The following SPATA6L variants were observed in gnomAD, a reference collection of about 807,000 sequenced individuals.
The protein encoded by SPATA6L is spermatogenesis associated 6-like protein.
SPATA6L carries 68 observed loss-of-function variants against 49.2 expected under a neutral mutation model. The ratio of observed to expected loss-of-function variants is 1.38; its 90% CI spans 1.14 to 1.69. SPATA6L has a LOEUF of 1.69. Among genes scored for constraint, SPATA6L ranks in the 40% most tolerant of loss-of-function variants. The probability of loss-of-function intolerance (pLI) is 0.00; values close to 1 mark genes in which losing one functional copy is unlikely to be tolerated. For synonymous variants in SPATA6L, 198 were observed against 165.7 expected (o/e 1.19, Z -1.50); for missense variants, 668 against 464.3 (o/e 1.44, Z -4.03).
chr9:4,636,409 T>C (rs952949908), intron 3 of SPATA6L, among the ~76,000 whole-genome samples: 4 of 152,204 alleles, frequency 2.6e-5, no homozygotes, highest in African/African-American at 9.6e-5. Context: ...ATAAAAGGGA[T>C]ACTACAAAAT....
chr9:4,642,038 G>A (rs1834148234), intron 3 of SPATA6L, among the ~76,000 whole-genome samples: 1 of 152,204 alleles, frequency 6.6e-6, no homozygotes, highest in Non-Finnish European at 1.5e-5. Flanking sequence ...AAAGTGCTGG[G>A]ATTACAGGCG....
In SPATA6L at chr9:4,635,409, A is replaced by C; in HGVS notation, c.227-10T>G. 6.4e-7 allele frequency: 1 copy of C among 1,572,126 alleles called. No individual in the cohort carries two copies. The highest frequency in any genetic ancestry group is 1.2e-5 in the South Asian group (1 of 83,784). On this transcript the variant is annotated splice_polypyrimidine_tract_variant and intron_variant, in intron 3 of 11. Transcript: ENST00000682582. ...GCCAACTCATCCCACACTAGAAAGAAAATAGAAAAAGCATAAATATCTGTA... is the reference window on the plus strand; with the variant it reads ...GCCAACTCATCCCACACTAGAAAGACAATAGAAAAAGCATAAATATCTGTA...
chr9:4,660,416 C>T (rs1431138259), intron 2 of SPATA6L, among the ~76,000 whole-genome samples: 1 of 152,202 alleles, frequency 6.6e-6, no homozygotes, highest in Non-Finnish European at 1.5e-5. Context: ...ACACAGCCAA[C>T]AGACACATGA....
intron 7 of SPATA6L, among the ~76,000 whole-genome samples, chr9:4,619,155 C>CTTTTTT (rs57028759): frequency 1.7e-5 from 2 of 118,154 alleles, no homozygotes; most frequent in Non-Finnish European, 1.7e-5. Context: ...CAGGTTTTCT[C>CTTTTTT]TTTTTTTTTT....
chr9:4,660,165 C>A (rs1029605082), intron 2 of SPATA6L, among the ~76,000 whole-genome samples: 23 of 152,082 alleles, frequency 1.5e-4, no homozygotes, highest in African/African-American at 5.6e-4. Context: ...GCAACAAAAG[C>A]CAAAATTGAC....
intron 5 of SPATA6L, 38 bp from the exon 6 acceptor site, chr9:4,625,604 GAAAGA>G (rs1226659324): frequency 1.4e-6 from 2 of 1,382,530 alleles, no homozygotes; most frequent in East Asian, 2.6e-5. Context: ...TTAAAATAAA[GAAAGA>G]AAAGAAGAAA....
At chr9:4,617,556 T>C (rs999338132) in intron 9 of SPATA6L, 6 of 174,018 alleles carry the variant, frequency 3.4e-5, no homozygotes, top group South Asian at 2.0e-4. Context: ...TATGTTAACA[T>C]TTGTCTTTGA....
intron 9 of SPATA6L, among the ~76,000 whole-genome samples, chr9:4,613,236 A>AAAAGAAAG (rs560242149): frequency 2.2e-4 from 33 of 151,630 alleles, no homozygotes; most frequent in African/African-American, 8.0e-4. Flanking sequence ...TCAAAAAAAA[A>AAAAGAAAG]AAAGAAAGAA....
At chr9:4,664,399 G>C (rs1041468444) in intron 1 of SPATA6L, 1 of 167,032 alleles carries the variant, frequency 6.0e-6, no homozygotes, top group Non-Finnish European at 1.5e-5. Flanking sequence ...TTAGGTAACA[G>C]TATTTAACTT....
chr9:4,645,501 T>G (rs1835175503), intron 3 of SPATA6L, among the ~76,000 whole-genome samples: 1 of 152,098 alleles, frequency 6.6e-6, no homozygotes, highest in African/African-American at 2.4e-5. Flanking sequence ...ATAGTGAGGG[T>G]GCTGAGCATG....
chr9:4,631,087 G>A (rs932629244), intron 4 of SPATA6L, among the ~76,000 whole-genome samples: 2 of 152,162 alleles, frequency 1.3e-5, no homozygotes, highest in Non-Finnish European at 2.9e-5. Context: ...ACACACTTTT[G>A]TTCACCTTAT....
chr9:4,625,201 A>G (rs940186234), intron 6 of SPATA6L, 126 bp downstream of exon 6: 1 of 1,421,428 alleles, frequency 7.0e-7, no homozygotes, highest in Non-Finnish European at 9.2e-7. Flanking sequence ...CACAATTATT[A>G]TTCAATTTGA....
rs552923230 is a variant in SPATA6L at position 4,645,485 on chromosome 9, A to T, written c.227-10086T>A. ...TGCTTAGTAGCCAGGTGACACAGGG[A>T]ATCACATAGTGAGGGTGCTGAGCAT... is the stretch of plus-strand genomic sequence containing the variant. On this transcript the variant is annotated intron_variant, in intron 3 of 11. Coordinates refer to ENST00000682582, the MANE Select transcript of SPATA6L (RefSeq NM_001353486.2). Among the ~76,000 whole-genome samples, 28 of 152,222 alleles carry T rather than the reference A, an allele frequency of 1.8e-4. No homozygotes were observed. The South Asian group carries it at 4.6e-3, about 25-fold the overall frequency.
intron 4 of SPATA6L, among the ~76,000 whole-genome samples, chr9:4,631,220 C>T (rs1228774693): frequency 1.3e-5 from 2 of 152,096 alleles, no homozygotes; most frequent in Non-Finnish European, 2.9e-5. Flanking sequence ...TATATCTCAT[C>T]CAGTCTCCTT....
intron 2 of SPATA6L, among the ~76,000 whole-genome samples, chr9:4,657,592 T>C (rs1041865335): frequency 2.0e-5 from 3 of 152,054 alleles, no homozygotes; most frequent in Middle Eastern, 3.2e-3. Context: ...TTAAATTTAT[T>C]TGAGCAAGGA....
At chr9:4,659,071 T>G (rs548945016) in intron 2 of SPATA6L, among the ~76,000 whole-genome samples, 2 of 152,198 alleles carry the variant, frequency 1.3e-5, no homozygotes, top group Admixed American at 1.3e-4. Context: ...ATTTCTAACA[T>G]CTAACTGGGA....
intron 10 of SPATA6L, 150 bp downstream of exon 10, chr9:4,605,197 A>T: frequency 1.5e-6 from 1 of 645,736 alleles, no homozygotes; most frequent in Non-Finnish European, 2.7e-6. Flanking sequence ...ATTCAATCTC[A>T]GGACAACAGG....
Position 4,629,154 on chromosome 9 carries a change from T to C in SPATA6L, c.366A>G (p.Lys122=). The stretch of plus-strand genomic sequence containing the variant: ...TGGCTGTCCTTGTAGAAAACTCTAT[T>C]TTGGGAGCAATGCCCTATAAAACAG... ...TALGFPGIAP[K]IEFSTRTAIR... is the part of the protein sequence containing the mutation. The change falls in exon 5 of 12, where the codon AAA becomes AAG. Residue 122 remains lysine, a synonymous_variant. Coordinates refer to ENST00000682582, the MANE Select transcript of SPATA6L (RefSeq NM_001353486.2). The C allele has an allele frequency of 6.2e-7, 1 of 1,606,378 alleles. No homozygotes were observed. Among genetic ancestry groups the C allele is most frequent in the Non-Finnish European group, 8.5e-7 (1 of 1,178,750 alleles).
At chr9:4,605,967 G>A (rs554093852) in intron 9 of SPATA6L, among the ~76,000 whole-genome samples, 2 of 152,182 alleles carry the variant, frequency 1.3e-5, no homozygotes, top group Non-Finnish European at 2.9e-5. Context: ...CCGTGCGCGA[G>A]CCGAAGCAGG....
Sources: gnomAD v4.1 joint callset for allele counts (sites outside exome capture counted in the v4.1 genomes callset) on GRCh38, gnomAD v4.1.1 for gene constraint, MANE v1.5 for transcripts, NCBI Gene and HGNC (gene_info 2026-07-23, HGNC 2026-07-21) for gene names.